Variants in ACADM observed in about 807,000 individuals in gnomAD.
ACADM encodes the protein medium-chain specific acyl-CoA dehydrogenase, mitochondrial.
A neutral mutation model predicts 58.9 loss-of-function variants in ACADM; 49 were observed. That is an observed-to-expected ratio of 0.83 (90% CI 0.66 to 1.06). The LOEUF (loss-of-function observed/expected upper bound fraction) is 1.06, where lower values mean the gene tolerates loss of function less well. ACADM is among the 50% of genes least tolerant of loss of function. The pLI, the probability that ACADM is intolerant of heterozygous loss-of-function variation, is 0.00. For missense variants in ACADM, 496 were observed against 507.0 expected, an observed-to-expected ratio of 0.98 and a Z score of 0.21; for synonymous variants, 160 against 157.7, an observed-to-expected ratio of 1.01 and a Z score of -0.11.
At chr1:75,726,009 C>T (rs1428751938) in intron 1 of ACADM, among the ~76,000 whole-genome samples, 1 of 152,228 alleles carries the variant, frequency 6.6e-6, no homozygotes, top group Non-Finnish European at 1.5e-5. Flanking sequence ...ATGTAATTAA[C>T]AGGTTGATGG....
rs927901859 is a variant in ACADM, at chr1:75,733,268, T to C, written c.287-260T>C. On this transcript the variant is annotated intron_variant, in intron 4 of 11. Coordinates refer to ENST00000370841, the MANE Select transcript of ACADM (RefSeq NM_000016.6). ...TTTTCCTCAGACCCAGTTTTAGAGT[T>C]GAATTGAGTTTTAACAAAATCAAGT... 1.3e-5 allele frequency: 18 copies of C among 1,403,098 alleles called. No individual in the cohort carries two copies. In the African/African-American group the frequency reaches 2.5e-4, roughly 19 times the overall value. 86.9% of individuals were successfully genotyped at this position (1,403,098 alleles called of 1,614,324 possible).
intron 2 of ACADM, 152 bp from the exon 3 acceptor site, chr1:75,732,492 A>G (rs1236901415): frequency 2.2e-5 from 15 of 696,046 alleles, no homozygotes; most frequent in African/African-American, 3.6e-5. Context: ...TGTGTAGTGA[A>G]CTCTTGATTA....
intron 2 of ACADM, among the ~76,000 whole-genome samples, chr1:75,731,140 G>A (rs1247649436): frequency 1.3e-5 from 2 of 151,626 alleles, no homozygotes; most frequent in African/African-American, 2.4e-5. Context: ...TTAGCCGGGC[G>A]CGGTGGCAGG....
intron 10 of ACADM, among the ~76,000 whole-genome samples, chr1:75,754,427 G>C (rs2100431738): frequency 6.6e-6 from 1 of 152,104 alleles, no homozygotes; most frequent in South Asian, 2.1e-4. Context: ...GGCCAGGCTG[G>C]TCTTAAACTC....
intron 7 of ACADM, chr1:75,743,492 T>G (rs562665536): frequency 1.2e-6 from 2 of 1,610,580 alleles, no homozygotes; most frequent in African/African-American, 1.3e-5. Context: ...ACAGCCTCTC[T>G]GCCATCAATC....
intron 10 of ACADM, 160 bp downstream of exon 10, chr1:75,750,706 A>T: frequency 1.5e-6 from 1 of 682,832 alleles, no homozygotes; most frequent in Non-Finnish European, 2.6e-6. Flanking sequence ...TTCTTTTTAG[A>T]GTGTGCCACT....
At chr1:75,737,624 G>T (rs867084158) in intron 6 of ACADM, among the ~76,000 whole-genome samples, 1 of 151,968 alleles carries the variant, frequency 6.6e-6, no homozygotes. Context: ...TAACTTGAGT[G>T]ACACCTGAAT....
chr1:75,754,862 A>T (rs1320663121), intron 10 of ACADM: 1 of 152,310 alleles, frequency 6.6e-6, no homozygotes, highest in African/African-American at 2.4e-5. Context: ...TTTCCTAGCT[A>T]AGGGAAACTG....
At chr1:75,741,492 T>G (rs571198820) in intron 7 of ACADM, among the ~76,000 whole-genome samples, 1 of 152,178 alleles carries the variant, frequency 6.6e-6, no homozygotes, top group Non-Finnish European at 1.5e-5. Context: ...CCAGGTGCAA[T>G]CACTCACGTC....
intron 7 of ACADM, chr1:75,745,466 A>G (rs1009320362): frequency 3.8e-5 from 10 of 259,788 alleles, no homozygotes; most frequent in South Asian, 3.7e-4. Flanking sequence ...AGCCTGCGCA[A>G]CAGAGTGAGA....
chr1:75,750,465 T>A lies in ACADM; in HGVS notation c.864T>A (p.Ala288=). The change falls in exon 10 of 12, where the codon GCT becomes GCA. Residue 288 remains alanine (A), a synonymous_variant. Transcript: ENST00000370841. The part of the protein sequence containing the change: ...DKTRPVVAAG[A]VGLAQRALDE... ...TAAAATACTAGGTAGCTGCTGGTGC[T>A]GTTGGATTAGCACAAAGAGCTTTGG... 6.2e-7 allele frequency: 1 copy of A among 1,611,680 alleles called. No homozygotes were observed. The highest frequency in any genetic ancestry group is 1.3e-5 in the African/African-American group (1 of 75,014).
At chr1:75,753,416 C>CT (rs75573583) in intron 10 of ACADM, among the ~76,000 whole-genome samples, 38 of 147,032 alleles carry the variant, frequency 2.6e-4, no homozygotes, top group Middle Eastern at 7.0e-3. Flanking sequence ...TTCCTATGAG[C>CT]TTTTTTTTTT....
intron 2 of ACADM, 71 bp downstream of exon 2, chr1:75,728,559 T>A: frequency 8.6e-7 from 1 of 1,166,838 alleles, no homozygotes; most frequent in Non-Finnish European, 1.3e-6. Flanking sequence ...GTTTGGAATA[T>A]GTTTGTAAAT....
rs182691177 is a variant in ACADM, at chr1:75,742,494, C to T, written c.599+2384C>T. On this transcript the variant is annotated intron_variant, in intron 7 of 11. Transcript: ENST00000370841. ...TCCTCAGCCCACGGGCTTACAGCAA[C>T]TTACTTGAAAAGCTCAAGGCAATCT... is the stretch of plus-strand genomic sequence containing the variant. Among the ~76,000 whole-genome samples the T allele has an allele frequency of 2.1e-3, 319 of 152,310 alleles. 2 individuals carry two copies. The highest frequency in any genetic ancestry group is 7.0e-3 in the African/African-American group (293 of 41,592).
In ACADM at chr1:75,733,544, A is replaced by T; in HGVS notation, c.303A>T (p.Gly101=). ...ATACTGTAGGAGGTCTTGGACTTGG[A>T]ACTTTTGATGCTTGTTTAATTAGTG... ...IPENCGGLGL[G]TFDACLISEE... Residue 101 remains glycine, a synonymous_variant, in exon 5 of 12, where the codon GGA becomes GGT. Transcript: ENST00000370841. The T allele has an allele frequency of 6.2e-7, 1 of 1,614,018 alleles. No individual in the cohort carries two copies. The highest frequency in any genetic ancestry group is 2.2e-5 in the East Asian group (1 of 44,848).
rs367619367 is a variant in ACADM, at chr1:75,733,640, A to G, written c.387+12A>G. On this transcript the variant is annotated intron_variant, in intron 5 of 11. Transcript: ENST00000370841. ...GAAATTCTTTGGGGGTAAGTGACTT[A>G]GAAAATTAACTACCTAACTCAGCTC... 1.3e-6 allele frequency: 2 copies of G among 1,596,736 alleles called. No homozygotes were observed. The highest frequency in any genetic ancestry group is 1.7e-6 in the Non-Finnish European group (2 of 1,164,428).
At chr1:75,751,927 A>T (rs1648227196) in intron 10 of ACADM, among the ~76,000 whole-genome samples, 1 of 151,364 alleles carries the variant, frequency 6.6e-6, no homozygotes, top group East Asian at 1.9e-4. Context: ...TTAAATATTG[A>T]TGCTCCCCCA....
chr1:75,735,182 G>A (rs1052786508), intron 6 of ACADM, among the ~76,000 whole-genome samples: 1 of 151,990 alleles, frequency 6.6e-6, no homozygotes, highest in Admixed American at 6.6e-5. Flanking sequence ...CAGGCGTGAT[G>A]GCGCCTGCCT....
intron 7 of ACADM, among the ~76,000 whole-genome samples, chr1:75,743,203 A>G (rs931348537): frequency 3.3e-5 from 5 of 152,154 alleles, no homozygotes; most frequent in Non-Finnish European, 7.3e-5. Context: ...AGGAATTAAG[A>G]TATTCGAGGG....
Sources: allele counts gnomAD v4.1 joint callset (sites outside exome capture counted in the v4.1 genomes callset), GRCh38; gene constraint gnomAD v4.1.1; transcripts MANE v1.5; gene names NCBI Gene and HGNC (gene_info 2026-07-23, HGNC 2026-07-21).